Variants in SLA2 observed in about 807,000 individuals in gnomAD.
SLA2 encodes the protein src-like-adapter 2.
A neutral mutation model predicts 27.3 loss-of-function variants in SLA2; 22 were observed. The ratio of observed to expected loss-of-function variants is 0.81; its 90% CI spans 0.58 to 1.15. The LOEUF (loss-of-function observed/expected upper bound fraction) is 1.15. SLA2 is among the 50% of genes most tolerant of loss of function. The probability of loss-of-function intolerance (pLI) is 0.00; values close to 1 mark genes in which losing one functional copy is unlikely to be tolerated. For missense variants in SLA2, 304 were observed against 322.2 expected, an observed-to-expected ratio of 0.94 and a Z score of 0.43; for synonymous variants, 131 against 137.8, an observed-to-expected ratio of 0.95 and a Z score of 0.34.
At chr20:36,641,409 C>T (rs1013456008) in intron 1 of SLA2, 31 bp from the exon 2 acceptor site, 58 of 1,377,432 alleles carry the variant, frequency 4.2e-5, no homozygotes, top group Middle Eastern at 1.8e-4. Context: ...GGGACAGAGC[C>T]GAGGCTTCTG....
In SLA2 at chr20:36,621,422, A is replaced by G. The variant is rs114919011; in HGVS notation, c.383-6048T>C. ...GGTAGATATAGTAGCAGAAGGTTCT[A>G]AAAACAGCAGAAAAAGGCTATAGTG... On this transcript the variant is annotated intron_variant, in intron 5 of 7. Coordinates refer to ENST00000262866, the MANE Select transcript of SLA2 (RefSeq NM_032214.4). 9.2e-3 allele frequency: 4,950 copies of G among 540,734 alleles called. 214 individuals carry two copies. The highest frequency in any genetic ancestry group is 0.086 in the African/African-American group (4,410 of 51,032). 33.5% of individuals were successfully genotyped at this position (540,734 alleles called of 1,614,324 possible).
chr20:36,635,522 G>A (rs1215549826), intron 2 of SLA2, among the ~76,000 whole-genome samples: 1 of 151,888 alleles, frequency 6.6e-6, no homozygotes, highest in Admixed American at 6.6e-5. Context: ...CTGTGCTCCG[G>A]GTGGGCATGG....
At chr20:36,625,187 G>A (rs2039323595) in intron 5 of SLA2, among the ~76,000 whole-genome samples, 1 of 138,084 alleles carries the variant, frequency 7.2e-6, no homozygotes, top group East Asian at 2.1e-4. Flanking sequence ...TTTAGTTCCT[G>A]TATTATTCTC....
intron 2 of SLA2, among the ~76,000 whole-genome samples, chr20:36,636,623 A>AAATATATAT (rs1387991352): frequency 7.0e-5 from 8 of 114,710 alleles, no homozygotes; most frequent in African/African-American, 3.2e-4. Context: ...AAAAAAAAAA[A>AAATATATAT]ATATATATAT....
rs756273318 is a variant in SLA2 at position 36,641,361 on chromosome 20, C to A, written c.-26G>T. 6.3e-7 allele frequency: 1 copy of A among 1,597,898 alleles called. No homozygotes were observed. The highest frequency in any genetic ancestry group is 1.7e-5 in the Admixed American group (1 of 59,960). Reference sequence around the variant, plus strand: ...TGTTCCTCAGCAGAGCACTCAGAAGCACATCATCGAGGGAAATCTGAAAGA... The same window carrying A: ...TGTTCCTCAGCAGAGCACTCAGAAGAACATCATCGAGGGAAATCTGAAAGA... On this transcript the variant is annotated 5_prime_UTR_variant, in exon 2 of 8. Coordinates refer to ENST00000262866, the MANE Select transcript of SLA2 (RefSeq NM_032214.4).
chr20:36,617,734 G>A (rs2039231182), intron 5 of SLA2, among the ~76,000 whole-genome samples: 1 of 151,722 alleles, frequency 6.6e-6, no homozygotes, highest in Non-Finnish European at 1.5e-5. Flanking sequence ...GCGTGCGCCT[G>A]TAATCCCAGC....
chr20:36,632,201 C>T (rs1237741266), intron 5 of SLA2, among the ~76,000 whole-genome samples: 3 of 152,148 alleles, frequency 2.0e-5, no homozygotes, highest in Non-Finnish European at 4.4e-5. Flanking sequence ...CTGGAGCTTG[C>T]TCACTTCTAA....
intron 6 of SLA2, 103 bp downstream of exon 6, chr20:36,615,117 TCTGTC>T (rs1439563383): frequency 1.3e-6 from 2 of 1,535,322 alleles, no homozygotes; most frequent in African/African-American, 2.7e-5. Flanking sequence ...AGGCCGCTCT[TCTGTC>T]TGTCTGAATA....
intron 5 of SLA2, among the ~76,000 whole-genome samples, chr20:36,619,219 GGAA>G (rs2039251088): frequency 9.4e-6 from 1 of 106,644 alleles, no homozygotes; most frequent in African/African-American, 3.6e-5. Context: ...AGACTCTGGG[GGAA>G]AAAAAAAAAA....
At chr20:36,631,762 C>T (rs80339603) in intron 5 of SLA2, among the ~76,000 whole-genome samples, 2,129 of 152,302 alleles carry the variant, frequency 0.014, 27 homozygotes, top group Non-Finnish European at 0.022. Flanking sequence ...GCAGAGATGC[C>T]TAAGGCCTGA....
chr20:36,613,814 T>G lies in SLA2; in HGVS notation c.*52A>C. The stretch of plus-strand genomic sequence containing the variant: ...CCTCTGGGGTGCCCAGGAGGCTGAA[T>G]TGGGGTTCTAGGTGTGCAGCCTTGG... On this transcript the variant is annotated 3_prime_UTR_variant, in exon 8 of 8. Transcript: ENST00000262866. 7.6e-7 allele frequency: 1 copy of G among 1,314,646 alleles called. No homozygotes were observed. 81.4% of individuals were successfully genotyped at this position (1,314,646 alleles called of 1,614,324 possible).
Position 36,641,365 on chromosome 20 carries a change from T to A in SLA2, c.-30A>T. On this transcript the variant is annotated 5_prime_UTR_variant, in exon 2 of 8. The change abolishes an upstream ATG in the 5' untranslated region. Coordinates refer to ENST00000262866, the MANE Select transcript of SLA2 (RefSeq NM_032214.4). The stretch of plus-strand genomic sequence containing the variant: ...CCTCAGCAGAGCACTCAGAAGCACA[T>A]CATCGAGGGAAATCTGAAAGAGACA... 3 of 1,589,770 alleles carry A rather than the reference T, an allele frequency of 1.9e-6. No homozygotes were observed. Among genetic ancestry groups the A allele is most frequent in the Non-Finnish European group, 2.6e-6 (3 of 1,158,312 alleles).
chr20:36,620,377 T>A (rs543112955), intron 5 of SLA2: 1 of 170,256 alleles, frequency 5.9e-6, no homozygotes, highest in East Asian at 1.7e-4. Context: ...CTTGACTCTG[T>A]CTCAAAAAAA....
In SLA2 at chr20:36,622,210, C is replaced by CAA. The variant is rs549536610; in HGVS notation, c.383-6838_383-6837dup. Among the ~76,000 whole-genome samples, 351 of 100,966 alleles carry CAA rather than the reference C, an allele frequency of 3.5e-3. 3 individuals are homozygous for CAA. The highest frequency in any genetic ancestry group is 0.012 in the African/African-American group (328 of 26,502). The allele number at this position is 100,966 out of a possible 152,430, so 66.2% of individuals were successfully genotyped here. On this transcript the variant is annotated intron_variant, in intron 5 of 7. Transcript: ENST00000262866. ...TGGGTGACAGAGCAAGACTTGATCTCAAAAAAAAAAAAAAAAATTAGCTGG... is the reference window on the plus strand; with the variant it reads ...TGGGTGACAGAGCAAGACTTGATCTCAAAAAAAAAAAAAAAAAAATTAGCTGG...
At chr20:36,641,472 C>G in intron 1 of SLA2, 94 bp from the exon 2 acceptor site, 7 of 663,106 alleles carry the variant, frequency 1.1e-5, no homozygotes, top group South Asian at 1.1e-4. Flanking sequence ...TACCTCCTCA[C>G]AGAGCATGTG....
At position 36,612,494 on chromosome 20, in the gene SLA2, T is replaced by C. The variant is rs2039149701; in HGVS notation, c.*1372A>G. 1 of 489,266 alleles carries C rather than the reference T, an allele frequency of 2.0e-6. No homozygotes were observed. The highest frequency in any genetic ancestry group is 1.9e-5 in the African/African-American group (1 of 51,884). 30.3% of individuals were successfully genotyped at this position (489,266 alleles called of 1,614,324 possible). On this transcript the variant is annotated 3_prime_UTR_variant, in exon 8 of 8. Coordinates refer to ENST00000262866, the MANE Select transcript of SLA2 (RefSeq NM_032214.4). ...TCCATAGCACAGTACATGCAGCATCTAATAAGAGTTTCCATTGTAGAATGT... is the reference window on the plus strand; with the variant it reads ...TCCATAGCACAGTACATGCAGCATCCAATAAGAGTTTCCATTGTAGAATGT...
intron 5 of SLA2, among the ~76,000 whole-genome samples, chr20:36,618,080 G>A (rs1194869723): frequency 6.6e-6 from 1 of 150,714 alleles, no homozygotes; most frequent in Non-Finnish European, 1.5e-5. Context: ...CCAGGAGGCA[G>A]AGGTTGCAGT....
intron 5 of SLA2, among the ~76,000 whole-genome samples, chr20:36,616,749 G>A (rs921385090): frequency 3.3e-5 from 5 of 152,160 alleles, no homozygotes; most frequent in African/African-American, 1.2e-4. Flanking sequence ...CTGAGTACTT[G>A]GAATTATAGG....
chr20:36,629,395 C>G (rs1485991463), intron 5 of SLA2, among the ~76,000 whole-genome samples: 1 of 151,080 alleles, frequency 6.6e-6, no homozygotes, highest in African/African-American at 2.4e-5. Flanking sequence ...CTTTGGGAGG[C>G]CAAGGTGGGC....
Sources: allele counts gnomAD v4.1 joint callset (sites outside exome capture counted in the v4.1 genomes callset), GRCh38; gene constraint gnomAD v4.1.1; transcripts MANE v1.5; gene names NCBI Gene and HGNC (gene_info 2026-07-23, HGNC 2026-07-21).